Variants in LEMD1 observed in about 807,000 individuals in gnomAD.
LEMD1 encodes the protein LEM domain-containing protein 1.
A neutral mutation model predicts 17.4 loss-of-function variants in LEMD1; 18 were observed. The ratio of observed to expected loss-of-function variants is 1.04; its 90% CI spans 0.72 to 1.54. The LOEUF (loss-of-function observed/expected upper bound fraction) is 1.54, where lower values mean the gene tolerates loss of function less well. Ranked by LOEUF, LEMD1 falls within the 40% of genes most tolerant of loss-of-function variation. LEMD1 has a pLI of 0.00. For synonymous variants in LEMD1, 88 were observed against 77.8 expected (o/e 1.13, Z -0.69); for missense variants, 195 against 210.4 (o/e 0.93, Z 0.45).
At chr1:205,394,418 CTTG>C (rs1664491576) in intron 4 of LEMD1, among the ~76,000 whole-genome samples, 1 of 151,834 alleles carries the variant, frequency 6.6e-6, no homozygotes, top group South Asian at 2.1e-4. Context: ...GAGTTTCCCT[CTTG>C]TTGCCCAGGC....
chr1:205,416,145 T>C, intron 4 of LEMD1, 87 bp downstream of exon 4: 1 of 787,480 alleles, frequency 1.3e-6, no homozygotes, highest in Non-Finnish European at 2.0e-6. Flanking sequence ...AGTGACTTGC[T>C]ATCCCCTTTC....
chr1:205,447,070 C>A (rs537019243), intron 1 of LEMD1, among the ~76,000 whole-genome samples: 1 of 152,342 alleles, frequency 6.6e-6, no homozygotes, highest in East Asian at 1.9e-4. Context: ...GTACAGCACT[C>A]CCTGGTTTTC....
In LEMD1 at chr1:205,421,381, C is replaced by T. The variant is rs541467032; in HGVS notation, c.-39+609G>A. 6.6e-5 allele frequency among the ~76,000 whole-genome samples: 10 copies of T among 152,276 alleles called. No homozygotes were observed. In the South Asian group the frequency reaches 1.9e-3, roughly 28 times the overall value. ...TTAAATTTTGGAGTTTATTGTACCA[C>T]ATTTCTATCATGTTTCAAGGCTTTT... On this transcript the variant is annotated intron_variant, in intron 1 of 5. Transcript: ENST00000367153.
chr1:205,391,629 A>G (rs1664339737), intron 4 of LEMD1, among the ~76,000 whole-genome samples: 1 of 152,132 alleles, frequency 6.6e-6, no homozygotes, highest in South Asian at 2.1e-4. Context: ...GGTGGTGTCA[A>G]TGGAGCGCAC....
chr1:205,391,168 G>A (rs1224911866), intron 4 of LEMD1, among the ~76,000 whole-genome samples: 1 of 152,064 alleles, frequency 6.6e-6, no homozygotes, highest in Non-Finnish European at 1.5e-5. Flanking sequence ...AAAAAAAATG[G>A]ACCATTGGAA....
intron 4 of LEMD1, among the ~76,000 whole-genome samples, chr1:205,411,670 G>GA (rs1163900903): frequency 1.6e-5 from 2 of 126,932 alleles, no homozygotes; most frequent in African/African-American, 6.3e-5. Context: ...AAGAAAGAAA[G>GA]AAAAGAAAGA....
intron 1 of LEMD1, among the ~76,000 whole-genome samples, chr1:205,428,180 C>T (rs61824227): frequency 0.17 from 26,356 of 152,206 alleles, 2,827 homozygotes; most frequent in Non-Finnish European, 0.24. Context: ...AAGTCAATTA[C>T]AAGCAAGTAA....
At chr1:205,444,982 C>A (rs1045687627) in intron 1 of LEMD1, among the ~76,000 whole-genome samples, 1 of 152,006 alleles carries the variant, frequency 6.6e-6, no homozygotes, top group Middle Eastern at 3.4e-3. Context: ...GAGCCCTCCG[C>A]CCCCTCCCCG....
chr1:205,391,611 C>T (rs565724850), intron 4 of LEMD1, among the ~76,000 whole-genome samples: 6 of 152,258 alleles, frequency 3.9e-5, no homozygotes, highest in Non-Finnish European at 7.4e-5. Context: ...CCTCCTGCTC[C>T]GCGCCTGGGT....
intron 1 of LEMD1, among the ~76,000 whole-genome samples, chr1:205,446,926 TC>T (rs1235057809): frequency 6.6e-6 from 1 of 152,084 alleles, no homozygotes; most frequent in African/African-American, 2.4e-5. Context: ...ATTGTTCTGA[TC>T]CCCCCGCTCC....
chr1:205,393,097 T>G (rs1558712033), intron 4 of LEMD1, among the ~76,000 whole-genome samples: 2 of 152,026 alleles, frequency 1.3e-5, no homozygotes, highest in Non-Finnish European at 1.5e-5. Flanking sequence ...GAAAAAAAAC[T>G]TGCACATCAT....
intron 4 of LEMD1, among the ~76,000 whole-genome samples, chr1:205,389,506 A>G (rs1558708484): frequency 6.6e-6 from 1 of 152,242 alleles, no homozygotes. Context: ...AATTAAGGGT[A>G]GTCAAGAAAA....
chr1:205,382,171 A>T (rs951836648), intron 5 of LEMD1: 4 of 192,524 alleles, frequency 2.1e-5, no homozygotes, highest in Middle Eastern at 2.1e-3. Context: ...CCAGCTAATT[A>T]AAAAAAAAAA....
At chr1:205,426,141 C>G (rs904631045), upstream of LEMD1, among the ~76,000 whole-genome samples, 2 of 152,198 alleles carry the variant, frequency 1.3e-5, no homozygotes, top group Non-Finnish European at 2.9e-5. Context: ...ATTTTCTGAG[C>G]TGCTGCTTAA....
chr1:205,445,116 G>A lies in LEMD1; in HGVS notation c.-39+4752C>T, dbSNP rs926168765. On this transcript the variant is annotated intron_variant, in intron 1 of 3. Coordinates refer to the LEMD1 transcript ENST00000367154. ...CCGGATTTGGGGGATTAGCTCGGGC[G>A]GTGGAGCAGACACACCAGGAGAAAG... 1.1e-4 allele frequency among the ~76,000 whole-genome samples: 16 copies of A among 152,264 alleles called. No homozygotes were observed. The East Asian group carries it at 1.2e-3, about 11-fold the overall frequency.
intron 1 of LEMD1, among the ~76,000 whole-genome samples, chr1:205,447,616 G>T (rs1486817894): frequency 6.6e-6 from 1 of 152,034 alleles, no homozygotes; most frequent in Admixed American, 6.6e-5. Flanking sequence ...CAGGCATAGG[G>T]AGGAGCCAGG....
intron 3 of LEMD1, among the ~76,000 whole-genome samples, chr1:205,417,371 G>T (rs931701001): frequency 1.3e-5 from 2 of 152,184 alleles, no homozygotes; most frequent in Non-Finnish European, 2.9e-5. Flanking sequence ...GACCCAGGAC[G>T]GCGGGGACTG....
chr1:205,420,604 A>C (rs936603666), intron 1 of LEMD1, 30 bp from the exon 2 acceptor site: 1 of 1,188,928 alleles, frequency 8.4e-7, no homozygotes, highest in East Asian at 2.3e-5. Context: ...AAATTCATTA[A>C]GACAGCCTTA....
At position 205,448,365 on chromosome 1, in the gene LEMD1, A is replaced by AT. The variant is rs1474169149; in HGVS notation, c.-39+1502dup. ...TACATGAGTTTGGGACAGCAATCAC[A>AT]TAGGAATGAAAAGCCATAGGCCACA... is the stretch of plus-strand genomic sequence containing the variant. On this transcript the variant is annotated intron_variant, in intron 1 of 3. Transcript: ENST00000367154. The surrounding 1 kb of genome is among the most constrained non-coding windows in gnomAD (Gnocchi z 4.7). The AT allele has an allele frequency of 1.9e-6, 1 of 534,600 alleles. No individual in the cohort carries two copies. The highest frequency in any genetic ancestry group is 5.4e-5 in the East Asian group (1 of 18,356). 33.1% of individuals were successfully genotyped at this position (534,600 alleles called of 1,614,324 possible).
Sources: allele counts gnomAD v4.1 joint callset (sites outside exome capture counted in the v4.1 genomes callset), GRCh38; gene constraint gnomAD v4.1.1; non-coding constraint Gnocchi (gnomAD v3.1); transcripts MANE v1.5; gene names NCBI Gene and HGNC (gene_info 2026-07-23, HGNC 2026-07-21).